MRE11: variants seen among roughly 807,000 people sequenced by gnomAD.
MRE11 encodes MRE11 double strand break repair nuclease, also known as double-strand break repair protein MRE11.
In MRE11, 62 loss-of-function variants were observed where a neutral mutation model predicts 91.7. The ratio of observed to expected loss-of-function variants is 0.68; its 90% CI spans 0.55 to 0.84. The LOEUF (loss-of-function observed/expected upper bound fraction) is 0.84. Ranked by LOEUF, MRE11 falls within the 40% of genes least tolerant of loss-of-function variation. The pLI is 0.00. For missense variants in MRE11, 796 were observed against 852.9 expected, an observed-to-expected ratio of 0.93 and a Z score of 0.83; for synonymous variants, 273 against 271.4, an observed-to-expected ratio of 1.01 and a Z score of -0.06.
At chr11:94,436,689 C>T (rs1945626357) in intron 17 of MRE11, among the ~76,000 whole-genome samples, 1 of 152,160 alleles carries the variant, frequency 6.6e-6, no homozygotes, top group African/African-American at 2.4e-5. Context: ...ATATTGGACT[C>T]TTCTTGGAAT....
At position 94,419,999 on chromosome 11, in the gene MRE11, T is replaced by C; in HGVS notation, c.*126A>G. On this transcript the variant is annotated 3_prime_UTR_variant, in exon 20 of 20. Coordinates refer to ENST00000323929, the MANE Select transcript of MRE11 (RefSeq NM_005591.4). ...TCAATGCTATTGTATGTCTGTGAAC[T>C]AGAAATTTCTTACTTATGGAGTTAT... 1 of 725,294 alleles carries C rather than the reference T, an allele frequency of 1.4e-6. No homozygotes were observed. The highest frequency in any genetic ancestry group is 2.2e-6 in the Non-Finnish European group (1 of 445,302). 44.9% of individuals were successfully genotyped at this position (725,294 alleles called of 1,614,324 possible). A position where few individuals can be genotyped will look rare whatever the true frequency, so the allele number is the denominator to read the frequency against.
At chr11:94,502,817 G>A in the MRE11 span, among the ~76,000 whole-genome samples, 3 of 152,102 alleles carry the variant, frequency 2.0e-5, no homozygotes, top group Admixed American at 6.5e-5. Context: ...GGGATTACAG[G>A]CGTGCGCTAC....
At chr11:94,466,836 C>T (rs1238778763) in intron 10 of MRE11, among the ~76,000 whole-genome samples, 1 of 152,186 alleles carries the variant, frequency 6.6e-6, no homozygotes, top group African/African-American at 2.4e-5. Flanking sequence ...TTAAAGACTA[C>T]ACTCCTCAGT....
chr11:94,500,486 A>G, the MRE11 span, among the ~76,000 whole-genome samples: 10 of 152,178 alleles, frequency 6.6e-5, no homozygotes, highest in South Asian at 4.1e-4. Context: ...GATTACTTCT[A>G]CTTTCCAGTT....
At chr11:94,464,672 G>A (rs1177580137) in intron 10 of MRE11, among the ~76,000 whole-genome samples, 17 of 152,186 alleles carry the variant, frequency 1.1e-4, no homozygotes, top group Non-Finnish European at 1.3e-4. Context: ...TCAAGAGAAA[G>A]ATGAATGCTA....
intron 4 of MRE11, among the ~76,000 whole-genome samples, chr11:94,482,755 G>A (rs1947043673): frequency 6.6e-6 from 1 of 152,100 alleles, no homozygotes; most frequent in Admixed American, 6.5e-5. Flanking sequence ...CCAACCTGGT[G>A]AAACCCCGTC....
intron 4 of MRE11, among the ~76,000 whole-genome samples, chr11:94,481,576 T>C (rs1007681528): frequency 1.4e-4 from 22 of 152,228 alleles, no homozygotes; most frequent in African/African-American, 5.3e-4. Context: ...TCTTGTGTCA[T>C]ACTTAGAAGC....
chr11:94,447,511 T>C (rs1945970515), intron 14 of MRE11, 73 bp from the exon 15 acceptor site: 5 of 1,408,438 alleles, frequency 3.6e-6, no homozygotes, highest in Admixed American at 1.7e-5. Context: ...AATTTAGGCA[T>C]TGACATGAAC....
intron 11 of MRE11, among the ~76,000 whole-genome samples, chr11:94,461,696 ATGATTGTATATT>A (rs1946418954): frequency 6.6e-6 from 1 of 152,238 alleles, no homozygotes; most frequent in Non-Finnish European, 1.5e-5. Context: ...TGCAGATGAC[ATGATTGTATATT>A]TAGAAAACCC....
At position 94,420,129 on chromosome 11, in the gene MRE11, C is replaced by T. The variant is rs1393301068; in HGVS notation, c.2123G>A (p.Arg708Lys). 6.4e-7 allele frequency: 1 copy of T among 1,565,258 alleles called. No individual in the cohort carries two copies. The highest frequency in any genetic ancestry group is 1.1e-5 in the South Asian group (1 of 90,044). Residue 708 changes from arginine (R) to lysine (K), a missense_variant, in exon 20 of 20, where the codon AGA becomes AAA. Physicochemically the swap from Arg to Lys is conservative, Grantham distance 26. Transcript: ENST00000323929. ...TTCTCAGTGCCATTAAATATATTATCTTCTATTTCTTCTTAAAGAACTAGT... is the reference window on the plus strand; with the variant it reads ...TTCTCAGTGCCATTAAATATATTATTTTCTATTTCTTCTTAAAGAACTAGT... ...MNTSSLRRNR[R>K] is the part of the protein sequence containing the mutation.
rs1945110961 is a variant in MRE11, at chr11:94,419,465, G to GAGA, written c.*659_*660insTCT. ...GAAGAGTGGGGAACGGGGGGGAGAG[G>GAGA]GAGAGAGAGAGAGAGAGAGAGAGAG... On this transcript the variant is annotated 3_prime_UTR_variant, in exon 20 of 20. Transcript: ENST00000323929. The GAGA allele has an allele frequency of 5.1e-5, 11 of 216,366 alleles. No individual in the cohort carries two copies. The highest frequency in any genetic ancestry group is 2.7e-4 in the African/African-American group (11 of 40,614). The allele number at this position is 216,366 out of a possible 1,614,324, so 13.4% of individuals were successfully genotyped here. A position where few individuals can be genotyped will look rare whatever the true frequency, so the allele number is the denominator to read the frequency against.
chr11:94,510,353 T>C, the MRE11 span, among the ~76,000 whole-genome samples: 3 of 152,244 alleles, frequency 2.0e-5, no homozygotes, highest in Admixed American at 6.5e-5. Context: ...ATTTCTGATA[T>C]TGGTGAAACT....
At chr11:94,509,599 C>T in the MRE11 span, among the ~76,000 whole-genome samples, 3 of 152,122 alleles carry the variant, frequency 2.0e-5, no homozygotes, top group South Asian at 2.1e-4. Flanking sequence ...CGTACCACCA[C>T]GCCCAGCTAA....
the MRE11 span, among the ~76,000 whole-genome samples, chr11:94,501,691 A>G: frequency 6.6e-6 from 1 of 151,990 alleles, no homozygotes; most frequent in African/African-American, 2.4e-5. Context: ...ATGGTTACAC[A>G]GAGCATTAAA....
chr11:94,506,695 C>T, the MRE11 span, among the ~76,000 whole-genome samples: 5 of 151,336 alleles, frequency 3.3e-5, no homozygotes, highest in South Asian at 1.0e-3. Context: ...CTCAACTGAT[C>T]CTCCAGCCAC....
chr11:94,436,401 T>C (rs1374414055), intron 17 of MRE11, among the ~76,000 whole-genome samples: 1 of 152,238 alleles, frequency 6.6e-6, no homozygotes, highest in East Asian at 1.9e-4. Context: ...CTACATTTTG[T>C]TATCTTGACA....
intron 15 of MRE11, among the ~76,000 whole-genome samples, chr11:94,446,391 A>G (rs1348702633): frequency 1.3e-5 from 2 of 152,210 alleles, no homozygotes; most frequent in Non-Finnish European, 2.9e-5. Context: ...TGGGCAACAG[A>G]GCAAAGACAA....
At chr11:94,447,814 T>C (rs372592351) in intron 14 of MRE11, among the ~76,000 whole-genome samples, 4 of 151,526 alleles carry the variant, frequency 2.6e-5, no homozygotes, top group South Asian at 4.2e-4. Context: ...CCAGCCTGGG[T>C]GACAAAGAGA....
upstream of MRE11, chr11:94,498,425 A>T: frequency 6.2e-7 from 1 of 1,613,632 alleles, no homozygotes; most frequent in Non-Finnish European, 8.5e-7. Flanking sequence ...ACCAGGGCTG[A>T]AAAACAACTT....
Sources: gnomAD v4.1 joint callset for allele counts (sites outside exome capture counted in the v4.1 genomes callset) on GRCh38, gnomAD v4.1.1 for gene constraint, MANE v1.5 for transcripts, NCBI Gene and HGNC (gene_info 2026-07-23, HGNC 2026-07-21) for gene names.